RIC8B: variants seen among roughly 807,000 people sequenced by gnomAD.
RIC8B encodes the protein chaperone Ric-8B.
Under a neutral mutation model 57.5 loss-of-function variants are expected in RIC8B, and 16 were observed. That is an observed-to-expected ratio of 0.28 (90% CI 0.19 to 0.42). The LOEUF (loss-of-function observed/expected upper bound fraction) is 0.42. RIC8B is among the 10% of genes least tolerant of loss of function. RIC8B has a pLI of 1.00. For synonymous variants in RIC8B, 216 were observed against 250.8 expected, an observed-to-expected ratio of 0.86 and a Z score of 1.31; for missense variants, 481 against 677.0, an observed-to-expected ratio of 0.71 and a Z score of 3.21.
chr12:106,848,184 G>A (rs1270531157), intron 6 of RIC8B, among the ~76,000 whole-genome samples: 1 of 152,214 alleles, frequency 6.6e-6, no homozygotes, highest in Non-Finnish European at 1.5e-5. Flanking sequence ...TAGAAAAAGA[G>A]TTTCTGGGCA....
chr12:106,884,386 A>G (rs12302779), intron 9 of RIC8B, among the ~76,000 whole-genome samples: 2 of 152,150 alleles, frequency 1.3e-5, no homozygotes, highest in Non-Finnish European at 2.9e-5. Context: ...AGTTAGGGCA[A>G]TTAATCCAGA....
At chr12:106,856,636 G>A (rs193154910) in intron 7 of RIC8B, among the ~76,000 whole-genome samples, 1 of 152,222 alleles carries the variant, frequency 6.6e-6, no homozygotes, top group African/African-American at 2.4e-5. Context: ...TTCCTTCTCT[G>A]TTGTTAATAC....
At chr12:106,796,267 G>A (rs1307057140) in intron 2 of RIC8B, among the ~76,000 whole-genome samples, 6 of 152,154 alleles carry the variant, frequency 3.9e-5, no homozygotes, top group Non-Finnish European at 7.3e-5. Context: ...GCCAAGAGCG[G>A]TGGCTCACAC....
intron 3 of RIC8B, among the ~76,000 whole-genome samples, chr12:106,824,185 C>T (rs2136324159): frequency 6.6e-6 from 1 of 152,310 alleles, no homozygotes; most frequent in African/African-American, 2.4e-5. Context: ...CTTCCCCCAA[C>T]CTTCAAATGT....
intron 2 of RIC8B, among the ~76,000 whole-genome samples, chr12:106,787,358 A>G (rs917557988): frequency 8.5e-5 from 13 of 152,206 alleles, no homozygotes; most frequent in African/African-American, 2.4e-4. Context: ...CATCAGAACT[A>G]TTGGACAGCT....
chr12:106,876,770 A>G (rs1433836294), intron 9 of RIC8B, among the ~76,000 whole-genome samples: 2 of 152,218 alleles, frequency 1.3e-5, no homozygotes, highest in Middle Eastern at 3.4e-3. Flanking sequence ...AATAAGAATC[A>G]TCTCCACTGG....
chr12:106,827,820 C>T (rs1396321079), intron 4 of RIC8B, among the ~76,000 whole-genome samples: 2 of 152,044 alleles, frequency 1.3e-5, no homozygotes, highest in Non-Finnish European at 1.5e-5. Context: ...AGAAAATGCT[C>T]TTATAAGCCC....
At chr12:106,801,007 C>T (rs1376777068) in intron 2 of RIC8B, among the ~76,000 whole-genome samples, 2 of 152,184 alleles carry the variant, frequency 1.3e-5, no homozygotes, top group African/African-American at 2.4e-5. Context: ...ATTGTTCTCT[C>T]ATTTGGTAAA....
In RIC8B at chr12:106,887,873, A is replaced by G. The variant is rs1951246813; in HGVS notation, c.*1858A>G. 1 of 152,452 alleles carries G rather than the reference A, an allele frequency of 6.6e-6. No homozygotes were observed. 9.4% of individuals were successfully genotyped at this position (152,452 alleles called of 1,614,324 possible). A position where few individuals can be genotyped will look rare whatever the true frequency, so the allele number is the denominator to read the frequency against. On this transcript the variant is annotated 3_prime_UTR_variant, in exon 10 of 10. Coordinates refer to ENST00000392837, the MANE Select transcript of RIC8B (RefSeq NM_001330145.2). ...ACCCTGAGTTTTTTTAAAAGAAGAA[A>G]TTAAATCCAGAACGCTTTATAAAAG...
At chr12:106,828,042 AT>A (rs1006133060) in intron 4 of RIC8B, among the ~76,000 whole-genome samples, 12 of 152,194 alleles carry the variant, frequency 7.9e-5, no homozygotes, top group African/African-American at 2.9e-4. Flanking sequence ...TTAAAATAAA[AT>A]TTTTTTAAAG....
chr12:106,794,459 T>C (rs1435515320), intron 2 of RIC8B, among the ~76,000 whole-genome samples: 1 of 152,138 alleles, frequency 6.6e-6, no homozygotes, highest in Non-Finnish European at 1.5e-5. Context: ...GGAAGTTCAG[T>C]GAACCCAAAG....
chr12:106,869,298 A>C (rs754094069), intron 8 of RIC8B, among the ~76,000 whole-genome samples: 1 of 152,170 alleles, frequency 6.6e-6, no homozygotes, highest in Non-Finnish European at 1.5e-5. Context: ...ATAGTAATAG[A>C]TAACAGTACG....
chr12:106,820,907 A>G (rs1295000769), intron 3 of RIC8B, among the ~76,000 whole-genome samples: 1 of 152,222 alleles, frequency 6.6e-6, no homozygotes, highest in African/African-American at 2.4e-5. Flanking sequence ...GATTTTCACT[A>G]TCACAACCAA....
At chr12:106,788,508 A>G (rs1270736283) in intron 2 of RIC8B, among the ~76,000 whole-genome samples, 2 of 152,318 alleles carry the variant, frequency 1.3e-5, no homozygotes, top group African/African-American at 4.8e-5. Context: ...CCGCCCCTGC[A>G]GCAAACTTTT....
chr12:106,876,581 T>C (rs1950673637), intron 9 of RIC8B, among the ~76,000 whole-genome samples: 1 of 152,138 alleles, frequency 6.6e-6, no homozygotes, highest in Non-Finnish European at 1.5e-5. Flanking sequence ...CTTGATATTA[T>C]CTATCCTTAG....
chr12:106,855,094 C>T (rs545201871), intron 7 of RIC8B, among the ~76,000 whole-genome samples: 1 of 152,206 alleles, frequency 6.6e-6, no homozygotes, highest in Admixed American at 6.5e-5. Flanking sequence ...GTTCCCCCCC[C>T]ACCTTTTATC....
intron 1 of RIC8B, among the ~76,000 whole-genome samples, chr12:106,779,872 T>C (rs1486084490): frequency 1.6e-5 from 1 of 61,382 alleles, no homozygotes; most frequent in Admixed American, 1.6e-4. Flanking sequence ...CCTGTTCTTT[T>C]TTTTTTTTTT....
At chr12:106,826,194 A>G (rs149071764) in intron 4 of RIC8B, among the ~76,000 whole-genome samples, 41 of 152,314 alleles carry the variant, frequency 2.7e-4, no homozygotes, top group African/African-American at 9.4e-4. Context: ...TCACCATGCC[A>G]ACATTATAAG....
rs539337209 is a variant in RIC8B, at chr12:106,797,829, G to A, written c.132+13785G>A. On this transcript the variant is annotated intron_variant, in intron 2 of 9. Coordinates refer to ENST00000392837, the MANE Select transcript of RIC8B (RefSeq NM_001330145.2). The stretch of plus-strand genomic sequence containing the variant: ...ACAAAGGCACGCAGAGAAATTACTC[G>A]CTGAAAATAAAGAAGTTGGAGGCCA... 640 of 473,170 alleles carry A rather than the reference G, an allele frequency of 1.4e-3. 15 individuals are homozygous for A. The South Asian group carries it at 0.024, about 17-fold the overall frequency. 29.3% of individuals were successfully genotyped at this position (473,170 alleles called of 1,614,324 possible).
Sources: allele counts gnomAD v4.1 joint callset (sites outside exome capture counted in the v4.1 genomes callset), GRCh38; gene constraint gnomAD v4.1.1; transcripts MANE v1.5; gene names NCBI Gene and HGNC (gene_info 2026-07-23, HGNC 2026-07-21).